GRM1: variants seen among roughly 807,000 people sequenced by gnomAD.
GRM1 encodes the protein glutamate metabotropic receptor 1.
A neutral mutation model predicts 90.9 loss-of-function variants in GRM1; 33 were observed. That is an observed-to-expected ratio of 0.36 (90% confidence interval 0.28 to 0.49). The LOEUF (loss-of-function observed/expected upper bound fraction) is 0.49. GRM1 is among the 20% of genes least tolerant of loss of function. The probability of loss-of-function intolerance (pLI) is 0.99; values close to 1 mark genes in which losing one functional copy is unlikely to be tolerated. For missense variants in GRM1, 1,190 were observed against 1,534.3 expected (o/e 0.78, Z 3.75); for synonymous variants, 700 against 613.2 (o/e 1.14, Z -2.09).
chr6:146,195,379 C>CCTAT (rs1779080038), intron 2 of GRM1, among the ~76,000 whole-genome samples: 2 of 152,208 alleles, frequency 1.3e-5, no homozygotes, highest in Admixed American at 1.3e-4. Flanking sequence ...AAACTTTTCA[C>CCTAT]CTATCTCTTC....
At chr6:146,220,801 AG>A (rs1176064622) in intron 2 of GRM1, among the ~76,000 whole-genome samples, 1 of 152,084 alleles carries the variant, frequency 6.6e-6, no homozygotes, top group Non-Finnish European at 1.5e-5. Context: ...GCATAGAAGT[AG>A]GGGTTTGGAG....
intron 3 of GRM1, among the ~76,000 whole-genome samples, chr6:146,328,157 A>T (rs1019453366): frequency 1.3e-5 from 2 of 152,240 alleles, no homozygotes; most frequent in Admixed American, 1.3e-4. Context: ...CTAATATGCC[A>T]GAAACCAGAT....
intron 1 of GRM1, among the ~76,000 whole-genome samples, chr6:146,132,602 C>T (rs1008718213): frequency 2.6e-5 from 4 of 152,096 alleles, no homozygotes; most frequent in Admixed American, 2.6e-4. Flanking sequence ...CTGAAAAGAT[C>T]TGTAATTTAC....
intron 1 of GRM1, among the ~76,000 whole-genome samples, chr6:146,082,975 G>A (rs1403864808): frequency 6.6e-6 from 1 of 152,076 alleles, no homozygotes; most frequent in Non-Finnish European, 1.5e-5. Flanking sequence ...TGTATTCCTA[G>A]GTCTTTTATT....
intron 6 of GRM1, among the ~76,000 whole-genome samples, chr6:146,388,442 A>G (rs1192397010): frequency 6.6e-6 from 1 of 152,096 alleles, no homozygotes; most frequent in Non-Finnish European, 1.5e-5. Flanking sequence ...TTCAGAGTAC[A>G]TAAAAAATGA....
At chr6:146,375,753 C>T (rs751005157) in intron 5 of GRM1, among the ~76,000 whole-genome samples, 4 of 151,930 alleles carry the variant, frequency 2.6e-5, no homozygotes, top group Admixed American at 1.3e-4. Context: ...CTTTTGCCAT[C>T]CTTTTATTTT....
intron 2 of GRM1, among the ~76,000 whole-genome samples, chr6:146,189,213 T>C (rs919005943): frequency 1.2e-4 from 18 of 152,330 alleles, no homozygotes; most frequent in African/African-American, 4.3e-4. Context: ...TTTTCATTCC[T>C]CTTAAGCCTT....
chr6:146,142,886 C>A (rs1776940390), intron 1 of GRM1, among the ~76,000 whole-genome samples: 1 of 152,140 alleles, frequency 6.6e-6, no homozygotes, highest in African/African-American at 2.4e-5. Context: ...GTACTCTAAC[C>A]CACTGTGGCC....
intron 2 of GRM1, among the ~76,000 whole-genome samples, chr6:146,239,336 G>A (rs1255189046): frequency 2.6e-5 from 4 of 152,094 alleles, no homozygotes; most frequent in Admixed American, 6.6e-5. Context: ...GTAGGTCATG[G>A]CATTACTATT....
At position 146,433,996 on chromosome 6, in the gene GRM1, G is replaced by T. The variant is rs2941; in HGVS notation, c.2785G>T (p.Val929Phe). The change falls in exon 8 of 8, where the codon GTC (valine) becomes TTC (phenylalanine). Residue 929 changes from valine (V) to phenylalanine (F), a missense_variant. Coordinates refer to ENST00000282753, the MANE Select transcript of GRM1 (RefSeq NM_001278064.2). ...TGAGACGGCCTGCAACCAAACAGCC[G>T]TCATCAAGCCCCTCACTAAAAGTTA... ...TNETACNQTAVIKPLTKSYQG... is the reference protein window; with the variant it reads ...TNETACNQTAFIKPLTKSYQG... 6.2e-7 allele frequency: 1 copy of T among 1,614,114 alleles called. No individual in the cohort carries two copies. Among genetic ancestry groups the T allele is most frequent in the South Asian group, 1.1e-5 (1 of 91,088 alleles).
chr6:146,146,697 G>A (rs901807520), intron 1 of GRM1, among the ~76,000 whole-genome samples: 2 of 152,134 alleles, frequency 1.3e-5, no homozygotes, highest in Non-Finnish European at 2.9e-5. Context: ...TAGCATGTTA[G>A]CACATGAGCA....
chr6:146,425,291 A>T (rs1433082537), intron 7 of GRM1, among the ~76,000 whole-genome samples: 1 of 152,144 alleles, frequency 6.6e-6, no homozygotes. Context: ...TCTGTTCCAG[A>T]GTATTCTTGT....
chr6:146,426,443 GA>G, intron 7 of GRM1: 1 of 867,166 alleles, frequency 1.2e-6, no homozygotes, highest in South Asian at 1.5e-5. Context: ...AACGGAGGTG[GA>G]GGCAATACAG....
At chr6:146,367,570 C>A (rs1033297120) in intron 5 of GRM1, among the ~76,000 whole-genome samples, 1 of 151,980 alleles carries the variant, frequency 6.6e-6, no homozygotes, top group African/African-American at 2.4e-5. Flanking sequence ...CAACCCATGG[C>A]CCCCATAGTA....
chr6:146,295,894 G>C (rs921836780), intron 2 of GRM1, among the ~76,000 whole-genome samples: 1 of 151,998 alleles, frequency 6.6e-6, no homozygotes, highest in African/African-American at 2.4e-5. Context: ...CACCCTCAAG[G>C]GGGCCCCAGA....
chr6:146,085,393 G>A (rs539724950), intron 1 of GRM1, among the ~76,000 whole-genome samples: 2 of 152,098 alleles, frequency 1.3e-5, no homozygotes, highest in Non-Finnish European at 2.9e-5. Flanking sequence ...AACTTGACCA[G>A]TTTTCGGAGA....
intron 2 of GRM1, among the ~76,000 whole-genome samples, chr6:146,185,454 C>T (rs1226429475): frequency 6.6e-6 from 1 of 152,156 alleles, no homozygotes; most frequent in Non-Finnish European, 1.5e-5. Context: ...GTCCTCTGCT[C>T]TCTGTGACCC....
intron 3 of GRM1, among the ~76,000 whole-genome samples, chr6:146,326,274 G>T (rs903224434): frequency 1.3e-5 from 2 of 152,166 alleles, no homozygotes; most frequent in African/African-American, 4.8e-5. Context: ...AAAGAATGAG[G>T]TTATGGCCTT....
At chr6:146,173,255 TG>T (rs1186951213) in intron 2 of GRM1, among the ~76,000 whole-genome samples, 1 of 151,612 alleles carries the variant, frequency 6.6e-6, no homozygotes, top group Admixed American at 6.6e-5. Flanking sequence ...CTGGGCATGG[TG>T]GCGCCTGCCT....
Sources: gnomAD v4.1 joint callset for allele counts (sites outside exome capture counted in the v4.1 genomes callset) on GRCh38, gnomAD v4.1.1 for gene constraint, MANE v1.5 for transcripts, NCBI Gene and HGNC (gene_info 2026-07-23, HGNC 2026-07-21) for gene names.